PMM2: variants seen among roughly 807,000 people sequenced by gnomAD.
The protein encoded by PMM2 is mannose-6-phosphate isomerase.
Under a neutral mutation model 33.2 loss-of-function variants are expected in PMM2, and 35 were observed. The ratio of observed to expected loss-of-function variants is 1.06; its 90% CI spans 0.81 to 1.40. The LOEUF (loss-of-function observed/expected upper bound fraction) is 1.40, where lower values mean the gene tolerates loss of function less well. Ranked by LOEUF, PMM2 falls within the 40% of genes most tolerant of loss-of-function variation. The pLI is 0.00. For missense variants in PMM2, 386 were observed against 306.0 expected (o/e 1.26, Z -1.95); for synonymous variants, 153 against 114.7 (o/e 1.33, Z -2.13).
At chr16:8,839,244 T>C (rs1201826072) in intron 7 of PMM2, among the ~76,000 whole-genome samples, 1 of 152,034 alleles carries the variant, frequency 6.6e-6, no homozygotes, top group Admixed American at 6.6e-5. Context: ...CTAGTGTGCA[T>C]GTGCCTGTCC....
chr16:8,846,505 G>A (rs1406903368), intron 7 of PMM2, among the ~76,000 whole-genome samples: 1 of 152,138 alleles, frequency 6.6e-6, no homozygotes, highest in Admixed American at 6.5e-5. Context: ...GGGAGCGGCA[G>A]ATAACCTGAT....
chr16:8,836,258 C>T (rs1395137711), intron 7 of PMM2, among the ~76,000 whole-genome samples: 8 of 151,934 alleles, frequency 5.3e-5, no homozygotes, highest in Non-Finnish European at 1.0e-4. Context: ...ATGGGGCTTC[C>T]GAGGGGATTG....
At chr16:8,825,222 G>A (rs1013443649) in intron 7 of PMM2, among the ~76,000 whole-genome samples, 2 of 151,846 alleles carry the variant, frequency 1.3e-5, no homozygotes, top group African/African-American at 2.4e-5. Context: ...TAGTAGAGAC[G>A]GGGTTTCACC....
intron 7 of PMM2, chr16:8,847,512 C>G (rs561289878): frequency 8.7e-6 from 5 of 575,090 alleles, no homozygotes; most frequent in East Asian, 6.0e-5. Context: ...GTGTTCCAAG[C>G]CAAATTGCAG....
intron 7 of PMM2, among the ~76,000 whole-genome samples, chr16:8,828,337 AC>A (rs1209915887): frequency 6.6e-6 from 1 of 152,136 alleles, no homozygotes; most frequent in Non-Finnish European, 1.5e-5. Flanking sequence ...TAAATGGCAC[AC>A]AAAAAAAACT....
chr16:8,839,290 A>T (rs973340176), intron 7 of PMM2, among the ~76,000 whole-genome samples: 3 of 151,990 alleles, frequency 2.0e-5, no homozygotes, highest in African/African-American at 7.2e-5. Context: ...TAAAGGATCC[A>T]CAGAGGAAGA....
At chr16:8,809,058 A>C (rs2141021607) in intron 4 of PMM2, 1 of 152,362 alleles carries the variant, frequency 6.6e-6, no homozygotes, top group African/African-American at 2.4e-5. Flanking sequence ...ATTTTTAACA[A>C]GGCCCTTTGG....
Position 8,847,735 on chromosome 16 carries a change from C to G in PMM2, c.651C>G (p.Asp217Glu). 1.2e-6 allele frequency: 2 copies of G among 1,613,090 alleles called. No homozygotes were observed. The highest frequency in any genetic ancestry group is 1.7e-6 in the Non-Finnish European group (2 of 1,179,116). Residue 217 changes from aspartate to glutamate, a missense_variant, in exon 8 of 8, where the codon GAC becomes GAG. Asp to Glu is a conservative substitution (Grantham distance 45). Coordinates refer to ENST00000268261, the MANE Select transcript of PMM2 (RefSeq NM_000303.3). ...FGDKTMPGGNDHEIFTDPRTM... is the reference protein window; with the variant it reads ...FGDKTMPGGNEHEIFTDPRTM... ...TCGTGTCTTTCCAGGGTGGCAATGA[C>G]CATGAGATCTTCACAGACCCCAGAA... is the stretch of plus-strand genomic sequence containing the variant.
intron 7 of PMM2, among the ~76,000 whole-genome samples, chr16:8,834,836 G>A (rs1258957193): frequency 1.3e-5 from 2 of 152,242 alleles, no homozygotes; most frequent in East Asian, 3.9e-4. Context: ...TGGGGAAATG[G>A]GGTGAATATC....
chr16:8,813,457 C>G (rs1347778031), intron 7 of PMM2, among the ~76,000 whole-genome samples: 1 of 152,152 alleles, frequency 6.6e-6, no homozygotes, highest in African/African-American at 2.4e-5. Context: ...CATTTTTCCA[C>G]TGTATTTGTC....
At chr16:8,813,230 G>T in intron 7 of PMM2, 124 bp downstream of exon 7, 1 of 748,636 alleles carries the variant, frequency 1.3e-6, no homozygotes, top group Non-Finnish European at 2.4e-6. Flanking sequence ...CTGAGCAGTG[G>T]CTTCTGTCCT....
chr16:8,814,452 G>A (rs2060694867), intron 7 of PMM2, among the ~76,000 whole-genome samples: 1 of 152,122 alleles, frequency 6.6e-6, no homozygotes, highest in Non-Finnish European at 1.5e-5. Flanking sequence ...TCATCCCTCT[G>A]ATCTCTGGTC....
chr16:8,806,512 A>G, intron 4 of PMM2, 105 bp downstream of exon 4: 1 of 796,452 alleles, frequency 1.3e-6, no homozygotes, highest in Non-Finnish European at 2.2e-6. Flanking sequence ...TCACCTAAAG[A>G]GTTTTAAAAA....
chr16:8,832,860 C>A, intron 7 of PMM2: 1 of 985,458 alleles, frequency 1.0e-6, no homozygotes, highest in Non-Finnish European at 1.2e-6. Context: ...GGCCTGTGCC[C>A]TCACGTCCCT....
At chr16:8,843,310 C>G (rs1172793826) in intron 7 of PMM2, among the ~76,000 whole-genome samples, 2 of 152,080 alleles carry the variant, frequency 1.3e-5, no homozygotes, top group African/African-American at 2.4e-5. Flanking sequence ...GCTTGGCGTC[C>G]GTGATGGTCT....
chr16:8,842,544 G>T (rs2060897176), intron 7 of PMM2, among the ~76,000 whole-genome samples: 1 of 152,184 alleles, frequency 6.6e-6, no homozygotes, highest in South Asian at 2.1e-4. Context: ...TGGGACAAGG[G>T]GTGCAGGGGA....
intron 4 of PMM2, chr16:8,806,835 G>A (rs1429083979): frequency 1.9e-5 from 4 of 205,644 alleles, no homozygotes; most frequent in Non-Finnish European, 4.0e-5. Context: ...CAGTGAAGCA[G>A]CATGTACAAA....
At chr16:8,836,800 A>G (rs548341850) in intron 7 of PMM2, among the ~76,000 whole-genome samples, 2 of 152,200 alleles carry the variant, frequency 1.3e-5, no homozygotes, top group East Asian at 1.9e-4. Flanking sequence ...CAAACGAGCC[A>G]TGAACTGGGC....
chr16:8,840,697 G>A (rs2060883974), intron 7 of PMM2, among the ~76,000 whole-genome samples: 1 of 151,592 alleles, frequency 6.6e-6, no homozygotes, highest in African/African-American at 2.4e-5. Flanking sequence ...GCTGTCCGAT[G>A]GACACAGCTT....
Sources: gnomAD v4.1 joint callset for allele counts (sites outside exome capture counted in the v4.1 genomes callset) on GRCh38, gnomAD v4.1.1 for gene constraint, MANE v1.5 for transcripts, NCBI Gene and HGNC (gene_info 2026-07-23, HGNC 2026-07-21) for gene names.